Variants in SCAI observed in about 807,000 individuals in gnomAD.
SCAI encodes the protein suppressor of cancer cell invasion.
SCAI carries 24 observed loss-of-function variants against 92.2 expected under a neutral mutation model. The ratio of observed to expected loss-of-function variants is 0.26; its 90% confidence interval spans 0.19 to 0.37. SCAI has a LOEUF of 0.37. Ranked by LOEUF, SCAI falls within the 10% of genes least tolerant of loss-of-function variation. SCAI has a pLI of 1.00. For missense variants in SCAI, 450 were observed against 736.2 expected, an observed-to-expected ratio of 0.61 and a Z score of 4.50; for synonymous variants, 261 against 258.6, an observed-to-expected ratio of 1.01 and a Z score of -0.09.
At chr9:124,985,299 C>T (rs1006151208) in intron 14 of SCAI, among the ~76,000 whole-genome samples, 1 of 149,974 alleles carries the variant, frequency 6.7e-6, no homozygotes, top group African/African-American at 2.5e-5. Flanking sequence ...AAAATTAGTT[C>T]CTGAGGGTTG....
chr9:125,003,090 TA>T, intron 11 of SCAI, 23 bp downstream of exon 11: 1 of 1,486,836 alleles, frequency 6.7e-7, no homozygotes, highest in East Asian at 2.3e-5. Context: ...CACCTCATAG[TA>T]AAAAGTACTG....
rs76940417 is a variant in SCAI at position 125,078,977 on chromosome 9, G to A, written c.99-22970C>T. On this transcript the variant is annotated intron_variant, in intron 2 of 17. Coordinates refer to ENST00000336505, the MANE Select transcript of SCAI (RefSeq NM_001144877.3). ...TTACCTGGTAGTTTCCTCTATTTTCGTATATAATAAGCTTGTCTTGCAATT... is the reference window on the plus strand; with the variant it reads ...TTACCTGGTAGTTTCCTCTATTTTCATATATAATAAGCTTGTCTTGCAATT... Among the ~76,000 whole-genome samples the A allele has an allele frequency of 3.0e-3, 459 of 152,122 alleles. 12 individuals carry two copies. Among genetic ancestry groups the A allele is most frequent in the East Asian group, 0.03 (155 of 5,174 alleles).
At chr9:125,130,935 G>A (rs937456217) in intron 2 of SCAI, among the ~76,000 whole-genome samples, 14 of 92,738 alleles carry the variant, frequency 1.5e-4, no homozygotes, top group African/African-American at 4.7e-4. Flanking sequence ...GGTTTGAACC[G>A]CTTTTTTTTT....
intron 14 of SCAI, among the ~76,000 whole-genome samples, chr9:124,991,880 G>C (rs913044307): frequency 1.3e-5 from 2 of 152,120 alleles, no homozygotes; most frequent in African/African-American, 4.8e-5. Flanking sequence ...AACTTGCAAA[G>C]TGGTAGCTTA....
At chr9:125,038,292 C>G (rs138262504) in intron 3 of SCAI, among the ~76,000 whole-genome samples, 1 of 152,158 alleles carries the variant, frequency 6.6e-6, no homozygotes, top group Non-Finnish European at 1.5e-5. Context: ...TTTAAAGCAT[C>G]ATTGAGAAAG....
chr9:125,001,920 A>G (rs1237536776), intron 12 of SCAI, 45 bp downstream of exon 12: 1 of 1,335,664 alleles, frequency 7.5e-7, no homozygotes, highest in Non-Finnish European at 1.1e-6. Context: ...GAAAATAAAG[A>G]GAATTCAAGC....
At chr9:125,137,475 G>C (rs1156943559) in intron 2 of SCAI, among the ~76,000 whole-genome samples, 5 of 152,314 alleles carry the variant, frequency 3.3e-5, no homozygotes, top group Middle Eastern at 6.8e-3. Context: ...CACAGTGTAC[G>C]CATCCCTCTT....
chr9:125,017,308 G>C (rs1832780566), intron 9 of SCAI, among the ~76,000 whole-genome samples: 1 of 151,670 alleles, frequency 6.6e-6, no homozygotes, highest in African/African-American at 2.4e-5. Flanking sequence ...TATCTCATTT[G>C]GTTTTAATTT....
At chr9:124,990,513 A>G (rs1832097647) in intron 14 of SCAI, among the ~76,000 whole-genome samples, 1 of 152,156 alleles carries the variant, frequency 6.6e-6, no homozygotes, top group Non-Finnish European at 1.5e-5. Context: ...AAAACAAATT[A>G]TCTATCAAAA....
intron 14 of SCAI, among the ~76,000 whole-genome samples, chr9:124,989,575 G>C (rs964297664): frequency 1.3e-5 from 2 of 151,518 alleles, no homozygotes; most frequent in Non-Finnish European, 2.9e-5. Context: ...GAGTGAGACT[G>C]CATCTCAAAA....
chr9:124,998,068 A>C (rs1349417900), intron 13 of SCAI, among the ~76,000 whole-genome samples: 1 of 152,046 alleles, frequency 6.6e-6, no homozygotes, highest in Non-Finnish European at 1.5e-5. Context: ...GCCTCCTAAA[A>C]TGTTGGGATC....
At chr9:125,017,539 T>C (rs1832785085) in intron 9 of SCAI, among the ~76,000 whole-genome samples, 1 of 152,158 alleles carries the variant, frequency 6.6e-6, no homozygotes, top group Non-Finnish European at 1.5e-5. Flanking sequence ...ACAAAAGTGA[T>C]TGATAGATGC....
chr9:125,035,347 T>A (rs1050420962), intron 3 of SCAI, among the ~76,000 whole-genome samples: 1 of 151,582 alleles, frequency 6.6e-6, no homozygotes, highest in Admixed American at 6.6e-5. Context: ...AGAGTGAGAC[T>A]CTATCTTAAA....
chr9:125,137,092 T>C (rs1039784201), intron 2 of SCAI, among the ~76,000 whole-genome samples: 1 of 152,148 alleles, frequency 6.6e-6, no homozygotes, highest in Non-Finnish European at 1.5e-5. Context: ...GCTACAACCA[T>C]TACATCCTTA....
At chr9:125,053,311 A>G (rs1833598990) in intron 3 of SCAI, among the ~76,000 whole-genome samples, 1 of 152,122 alleles carries the variant, frequency 6.6e-6, no homozygotes, top group South Asian at 2.1e-4. Context: ...TCCAGCCCGG[A>G]CGACAAGAGC....
At chr9:124,954,528 A>G (rs1277342371) in intron 17 of SCAI, among the ~76,000 whole-genome samples, 1 of 152,242 alleles carries the variant, frequency 6.6e-6, no homozygotes, top group Non-Finnish European at 1.5e-5. Flanking sequence ...TAAGGCTAAG[A>G]AAGGTGAGAT....
chr9:124,965,539 A>T (rs1318244222), intron 17 of SCAI, among the ~76,000 whole-genome samples: 1 of 152,150 alleles, frequency 6.6e-6, no homozygotes, highest in East Asian at 1.9e-4. Flanking sequence ...CCGGCCTGTA[A>T]GTATGTCTTA....
chr9:125,032,187 ATATATATAT>A (rs1466721500), intron 3 of SCAI, among the ~76,000 whole-genome samples: 1 of 79,804 alleles, frequency 1.3e-5, no homozygotes, highest in East Asian at 3.1e-4. Context: ...ATATATATAT[ATATATATAT>A]TTTTTTTTTT....
chr9:125,015,510 A>G (rs991968922), intron 9 of SCAI, among the ~76,000 whole-genome samples: 32 of 152,204 alleles, frequency 2.1e-4, no homozygotes, highest in African/African-American at 7.0e-4. Context: ...TTAGAATGGC[A>G]ATCATTAAAA....
Sources: allele counts gnomAD v4.1 joint callset (sites outside exome capture counted in the v4.1 genomes callset), GRCh38; gene constraint gnomAD v4.1.1; transcripts MANE v1.5; gene names NCBI Gene and HGNC (gene_info 2026-07-23, HGNC 2026-07-21).